The following ZNF385D variants were observed in gnomAD, a reference collection of about 807,000 sequenced individuals.
ZNF385D encodes the protein zinc finger protein 659.
ZNF385D carries 15 observed loss-of-function variants against 35.8 expected under a neutral mutation model. The ratio of observed to expected loss-of-function variants is 0.42; its 90% CI spans 0.28 to 0.64. The LOEUF (loss-of-function observed/expected upper bound fraction) is 0.64. ZNF385D is among the 30% of genes least tolerant of loss of function. The probability of loss-of-function intolerance (pLI) is 0.23; values close to 1 mark genes in which losing one functional copy is unlikely to be tolerated. For synonymous variants in ZNF385D, 212 were observed against 186.8 expected (o/e 1.13, Z -1.10); for missense variants, 474 against 494.6 (o/e 0.96, Z 0.39).
intron 3 of ZNF385D, among the ~76,000 whole-genome samples, chr3:21,927,360 T>C (rs1700782191): frequency 1.3e-5 from 2 of 152,290 alleles, no homozygotes; most frequent in South Asian, 2.1e-4. Flanking sequence ...ATTGCAATTC[T>C]GATTATTTAT....
intron 2 of ZNF385D, among the ~76,000 whole-genome samples, chr3:22,243,811 T>C (rs1386250882): frequency 2.0e-5 from 3 of 150,694 alleles, no homozygotes; most frequent in East Asian, 3.9e-4. Flanking sequence ...TGAGAGGAGA[T>C]GGTCAGTACT....
At chr3:22,282,687 T>G (rs151249539) in intron 2 of ZNF385D, among the ~76,000 whole-genome samples, 1 of 152,024 alleles carries the variant, frequency 6.6e-6, no homozygotes, top group East Asian at 1.9e-4. Flanking sequence ...CATGTGTTGA[T>G]GAATAGAATG....
intron 3 of ZNF385D, among the ~76,000 whole-genome samples, chr3:21,761,449 G>C (rs1214674674): frequency 6.6e-6 from 1 of 152,222 alleles, no homozygotes; most frequent in Non-Finnish European, 1.5e-5. Context: ...GTGATGGCAA[G>C]GTGGTCTAGA....
chr3:21,788,338 C>T (rs2071788019), intron 3 of ZNF385D, among the ~76,000 whole-genome samples: 1 of 152,070 alleles, frequency 6.6e-6, no homozygotes. Context: ...ATTAGCCGGG[C>T]TTGGTGGCAG....
intron 2 of ZNF385D, among the ~76,000 whole-genome samples, chr3:22,232,136 T>C (rs759991097): frequency 6.6e-6 from 1 of 152,304 alleles, no homozygotes; most frequent in Non-Finnish European, 1.5e-5. Flanking sequence ...TACTCTGGCA[T>C]GCCAAATCCC....
At chr3:21,431,808 T>A (rs1365799768) in intron 5 of ZNF385D, among the ~76,000 whole-genome samples, 1 of 152,176 alleles carries the variant, frequency 6.6e-6, no homozygotes, top group Non-Finnish European at 1.5e-5. Context: ...TCTTTGGGCC[T>A]TAATAGCAAT....
In ZNF385D at chr3:21,787,837, G is replaced by A. The variant is rs561143925; in HGVS notation, c.326-122809C>T. On this transcript the variant is annotated intron_variant, in intron 3 of 5. Coordinates refer to the ZNF385D transcript ENST00000494108. ...TTAAAAAAAGAGAGCAATAACTCGG[G>A]AGGCTGAGGCAGGAGAATGGCGTGA... 4.6e-5 allele frequency among the ~76,000 whole-genome samples: 7 copies of A among 151,788 alleles called. No individual in the cohort carries two copies. The South Asian group carries it at 1.5e-3, about 32-fold the overall frequency.
chr3:21,495,838 A>G (rs1412548263), intron 4 of ZNF385D, among the ~76,000 whole-genome samples: 2 of 152,126 alleles, frequency 1.3e-5, no homozygotes, highest in Non-Finnish European at 2.9e-5. Flanking sequence ...AGTTTGAAAT[A>G]AACATGATCA....
chr3:22,239,969 G>C (rs1246575121), intron 2 of ZNF385D, among the ~76,000 whole-genome samples: 1 of 149,426 alleles, frequency 6.7e-6, no homozygotes, highest in Admixed American at 6.7e-5. Flanking sequence ...TCGAGTCTAG[G>C]AGTTCAAAAT....
intron 3 of ZNF385D, among the ~76,000 whole-genome samples, chr3:21,918,152 A>G (rs1389199613): frequency 6.6e-6 from 1 of 152,046 alleles, no homozygotes; most frequent in African/African-American, 2.4e-5. Flanking sequence ...GCCAAATTTT[A>G]AACAGTGGAA....
Position 22,088,185 on chromosome 3 carries a change from G to T in ZNF385D, c.325+80632C>A, listed in dbSNP as rs572590315. Among the ~76,000 whole-genome samples the T allele has an allele frequency of 3.9e-5, 6 of 152,276 alleles. No individual in the cohort carries two copies. In the South Asian group the frequency reaches 1.0e-3, roughly 26 times the overall value. ...CAGGAGAGAATACCCTTCTGCCCAT[G>T]ATATTAGGCTGCAAGGCATGTTAAC... On this transcript the variant is annotated intron_variant, in intron 3 of 5. Transcript: ENST00000494108.
At chr3:22,329,402 T>C (rs992243657) in intron 2 of ZNF385D, among the ~76,000 whole-genome samples, 4 of 152,214 alleles carry the variant, frequency 2.6e-5, no homozygotes, top group Non-Finnish European at 5.9e-5. Context: ...TGATATTTCA[T>C]AGGTCACCTA....
At chr3:21,976,883 G>A (rs1012115192) in intron 3 of ZNF385D, among the ~76,000 whole-genome samples, 3 of 152,300 alleles carry the variant, frequency 2.0e-5, no homozygotes, top group Admixed American at 1.3e-4. Flanking sequence ...AGCTACTTGG[G>A]AGGCTGAGGA....
intron 2 of ZNF385D, among the ~76,000 whole-genome samples, chr3:21,586,562 T>C (rs2063816881): frequency 6.6e-6 from 1 of 152,150 alleles, no homozygotes; most frequent in Non-Finnish European, 1.5e-5. Flanking sequence ...CTGAAAACAA[T>C]GAATTAAAGA....
chr3:21,787,974 A>AAAAAAAAAC (rs2071769221), intron 3 of ZNF385D, among the ~76,000 whole-genome samples: 1 of 92,246 alleles, frequency 1.1e-5, no homozygotes, highest in Non-Finnish European at 2.4e-5. Context: ...AAAAAAAAAA[A>AAAAAAAAAC]AAAAAAAAGA....
chr3:21,789,541 C>T (rs1366116398), intron 3 of ZNF385D, among the ~76,000 whole-genome samples: 1 of 152,104 alleles, frequency 6.6e-6, no homozygotes, highest in African/African-American at 2.4e-5. Flanking sequence ...TGTGTAAGCA[C>T]ACACACATAT....
At position 21,977,880 on chromosome 3, in the gene ZNF385D, C is replaced by A. The variant is rs1345933969; in HGVS notation, c.325+190937G>T. On this transcript the variant is annotated intron_variant, in intron 3 of 5. Coordinates refer to the ZNF385D transcript ENST00000494108. ...AAACAAAAAAGATGATTCAATAGCT[C>A]TGTACATCTTTGGAGAAACGAGTAG... 2.0e-5 allele frequency among the ~76,000 whole-genome samples: 3 copies of A among 152,114 alleles called. No homozygotes were observed. The South Asian group carries it at 6.2e-4, about 32-fold the overall frequency.
intron 3 of ZNF385D, among the ~76,000 whole-genome samples, chr3:22,143,373 C>G (rs971153350): frequency 6.6e-6 from 1 of 152,092 alleles, no homozygotes. Context: ...CATGAGCCAC[C>G]AAAATCGGGC....
intron 3 of ZNF385D, among the ~76,000 whole-genome samples, chr3:22,160,769 A>T (rs1463696732): frequency 2.0e-5 from 3 of 152,162 alleles, no homozygotes; most frequent in African/African-American, 7.2e-5. Context: ...CCCAATAAAA[A>T]TAGGAAACCA....
Sources: gnomAD v4.1 joint callset for allele counts (sites outside exome capture counted in the v4.1 genomes callset) on GRCh38, gnomAD v4.1.1 for gene constraint, MANE v1.5 for transcripts, NCBI Gene and HGNC (gene_info 2026-07-23, HGNC 2026-07-21) for gene names.